Variants in CPSF6 observed in about 807,000 individuals in gnomAD.
CPSF6 encodes the protein cleavage and polyadenylation specificity factor subunit 6.
In CPSF6, 10 loss-of-function variants were observed where a neutral mutation model predicts 56.7. The ratio of observed to expected loss-of-function variants is 0.18; its 90% CI spans 0.11 to 0.30. The LOEUF is 0.30. Ranked by LOEUF, CPSF6 falls within the 10% of genes least tolerant of loss-of-function variation. The probability of loss-of-function intolerance (pLI) is 1.00; values close to 1 mark genes in which losing one functional copy is unlikely to be tolerated. For missense variants in CPSF6, 419 were observed against 722.9 expected (o/e 0.58, Z 4.82); for synonymous variants, 248 against 244.8 (o/e 1.01, Z -0.12).
rs572149250 is a variant in CPSF6, at chr12:69,240,149, C to G, written c.60+443C>G. 1.9e-3 allele frequency among the ~76,000 whole-genome samples: 291 copies of G among 152,090 alleles called. 1 individual carries two copies. Among genetic ancestry groups the G allele is most frequent in the Non-Finnish European group, 2.8e-3 (187 of 67,948 alleles). On this transcript the variant is annotated intron_variant, in intron 1 of 9. Coordinates refer to ENST00000435070, the MANE Select transcript of CPSF6 (RefSeq NM_007007.3). ...GGGCGCGTGCCCGCCGCCGCCGCCCCTTCCCCGCCGCTGCCGCTCGGGCTC... is the reference window on the plus strand; with the variant it reads ...GGGCGCGTGCCCGCCGCCGCCGCCCGTTCCCCGCCGCTGCCGCTCGGGCTC...
chr12:69,256,020 A>G (rs980827858), intron 3 of CPSF6, among the ~76,000 whole-genome samples: 5 of 152,244 alleles, frequency 3.3e-5, no homozygotes, highest in African/African-American at 1.2e-4. Flanking sequence ...TTAATGTTGT[A>G]TATTTATAAT....
intron 9 of CPSF6, among the ~76,000 whole-genome samples, chr12:69,263,171 AAAG>A (rs1267907197): frequency 1.3e-5 from 2 of 152,054 alleles, no homozygotes; most frequent in African/African-American, 4.8e-5. Context: ...TTTAATTTGC[AAAG>A]AAGATGTAAA....
At chr12:69,247,133 T>G (rs1364404273) in intron 1 of CPSF6, among the ~76,000 whole-genome samples, 4 of 152,088 alleles carry the variant, frequency 2.6e-5, no homozygotes. Context: ...AAAAAATGTC[T>G]AAAAGTAACT....
chr12:69,268,424 A>T (rs1424828405), intron 9 of CPSF6, among the ~76,000 whole-genome samples: 1 of 151,796 alleles, frequency 6.6e-6, no homozygotes, highest in Non-Finnish European at 1.5e-5. Flanking sequence ...TGCTCTTAAG[A>T]TACAACCTAG....
At chr12:69,259,272 C>A in intron 6 of CPSF6, 156 bp from the exon 7 acceptor site, 1 of 799,396 alleles carries the variant, frequency 1.3e-6, no homozygotes, top group Non-Finnish European at 1.5e-6. Flanking sequence ...TAGATTTGTT[C>A]TCTTTGTTGG....
In CPSF6 at chr12:69,272,680, T is replaced by C. The variant is rs1437601123; in HGVS notation, c.*3172T>C. The C allele has an allele frequency of 6.6e-6, 1 of 151,888 alleles. No homozygotes were observed. Among genetic ancestry groups the C allele is most frequent in the Non-Finnish European group, 1.5e-5 (1 of 67,776 alleles). 9.4% of individuals were successfully genotyped at this position (151,888 alleles called of 1,614,324 possible). A position where few individuals can be genotyped will look rare whatever the true frequency, so the allele number is the denominator to read the frequency against. Reference sequence around the variant, plus strand: ...GACTGAGAATACAGTATTGAGATTCTCTGTTTTACAGATAACAACTGGTTT... The same window carrying C: ...GACTGAGAATACAGTATTGAGATTCCCTGTTTTACAGATAACAACTGGTTT... On this transcript the variant is annotated 3_prime_UTR_variant, in exon 10 of 10. Transcript: ENST00000435070.
At chr12:69,253,856 A>G (rs1872372372) in intron 3 of CPSF6, among the ~76,000 whole-genome samples, 1 of 152,066 alleles carries the variant, frequency 6.6e-6, no homozygotes, top group African/African-American at 2.4e-5. Flanking sequence ...ACTTTTGCCT[A>G]TTGTAAATAA....
Position 69,257,791 on chromosome 12 carries a change from C to T in CPSF6, c.580C>T (p.Arg194Cys), listed in dbSNP as rs1355848346. ...GKAGPPGGSS[R>C]AAFPQGGRGR... is the part of the protein sequence containing the mutation. ...AGCTGGTCCTCCAGGAGGCAGTTCC[C>T]GTGCAGCATTTCCACAAGGTGGTAG... The change falls in exon 5 of 10, where the codon CGT becomes TGT. Residue 194 changes from arginine to cysteine, a missense_variant. Coordinates refer to ENST00000435070, the MANE Select transcript of CPSF6 (RefSeq NM_007007.3). 5 of 1,613,416 alleles carry T rather than the reference C, an allele frequency of 3.1e-6. No individual in the cohort carries two copies. Among genetic ancestry groups the T allele is most frequent in the South Asian group, 1.1e-5 (1 of 90,960 alleles).
rs752603747 is a variant in CPSF6, at chr12:69,262,436, C to T, written c.1533C>T (p.Ser511=). 1.2e-6 allele frequency: 2 copies of T among 1,613,282 alleles called. No individual in the cohort carries two copies. Among genetic ancestry groups the T allele is most frequent in the South Asian group, 1.1e-5 (1 of 90,978 alleles). The change falls in exon 9 of 10, where the codon TCC becomes TCT. Residue 511 remains serine, a synonymous_variant. Coordinates refer to ENST00000435070, the MANE Select transcript of CPSF6 (RefSeq NM_007007.3). The part of the protein sequence containing the change: ...RSREKSRRHK[S]RSRDRHDDYY... The stretch of plus-strand genomic sequence containing the variant: ...GAGAAAAGAGTCGACGTCATAAATC[C>T]CGTAGTAGAGACCGTCATGACGATT...
At chr12:69,260,526 T>C (rs74102855) in intron 8 of CPSF6, among the ~76,000 whole-genome samples, 2,743 of 152,292 alleles carry the variant, frequency 0.018, 83 homozygotes, top group African/African-American at 0.061. Flanking sequence ...GTACACCAAA[T>C]GTTTGACCAC....
chr12:69,269,040 TTAAA>T (rs1193349638), intron 9 of CPSF6, among the ~76,000 whole-genome samples: 1 of 151,948 alleles, frequency 6.6e-6, no homozygotes, highest in Non-Finnish European at 1.5e-5. Flanking sequence ...CTGTATGCTG[TTAAA>T]TAAATTAATT....
At position 69,271,206 on chromosome 12, in the gene CPSF6, T is replaced by A. The variant is rs185012954; in HGVS notation, c.*1698T>A. The A allele has an allele frequency of 6.6e-6, 1 of 152,350 alleles. No individual in the cohort carries two copies. The highest frequency in any genetic ancestry group is 6.6e-5 in the Admixed American group (1 of 15,256). The allele number at this position is 152,350 out of a possible 1,614,324, so 9.4% of individuals were successfully genotyped here. A position where few individuals can be genotyped will look rare whatever the true frequency, so the allele number is the denominator to read the frequency against. On this transcript the variant is annotated 3_prime_UTR_variant, in exon 10 of 10. Transcript: ENST00000435070. Reference sequence around the variant, plus strand: ...TATCAGAACTGTTCACTTTCAGAAATGATTTTTTAAAGCATTTTGTTGAAA... The same window carrying A: ...TATCAGAACTGTTCACTTTCAGAAAAGATTTTTTAAAGCATTTTGTTGAAA...
At chr12:69,267,897 C>T (rs149577806) in intron 9 of CPSF6, among the ~76,000 whole-genome samples, 2 of 151,820 alleles carry the variant, frequency 1.3e-5, no homozygotes, top group African/African-American at 4.8e-5. Flanking sequence ...GTATAATTCT[C>T]CACTGGAGTG....
At chr12:69,250,170 C>CT (rs912507718) in intron 1 of CPSF6, among the ~76,000 whole-genome samples, 28 of 151,774 alleles carry the variant, frequency 1.8e-4, no homozygotes, top group South Asian at 1.5e-3. Context: ...GCTCACTATG[C>CT]TTTTTTTTAA....
At chr12:69,249,518 T>A (rs1435012323) in intron 1 of CPSF6, among the ~76,000 whole-genome samples, 1 of 152,166 alleles carries the variant, frequency 6.6e-6, no homozygotes, top group Non-Finnish European at 1.5e-5. Context: ...GTAAATTGTA[T>A]TAATGGGAGA....
At chr12:69,246,013 G>A (rs1429416165) in intron 1 of CPSF6, among the ~76,000 whole-genome samples, 7 of 152,148 alleles carry the variant, frequency 4.6e-5, no homozygotes, top group Non-Finnish European at 1.5e-5. Context: ...CTTGAACCTG[G>A]GGGGCAGAGG....
In CPSF6 at chr12:69,273,820, A is replaced by G. The variant is rs1873371297; in HGVS notation, c.*4312A>G. On this transcript the variant is annotated 3_prime_UTR_variant, in exon 10 of 10. Coordinates refer to ENST00000435070, the MANE Select transcript of CPSF6 (RefSeq NM_007007.3). ...CATTGATAACTTTAGCCTTAAAAAA[A>G]AGGTCTATTATTCCTTCCTCTGCAT... 6.6e-6 allele frequency: 1 copy of G among 151,958 alleles called. No individual in the cohort carries two copies. Among genetic ancestry groups the G allele is most frequent in the African/African-American group, 2.4e-5 (1 of 41,432 alleles). The allele number at this position is 151,958 out of a possible 1,614,324, so 9.4% of individuals were successfully genotyped here. A position where few individuals can be genotyped will look rare whatever the true frequency, so the allele number is the denominator to read the frequency against.
At chr12:69,260,652 T>C (rs559925710) in intron 8 of CPSF6, among the ~76,000 whole-genome samples, 2 of 152,254 alleles carry the variant, frequency 1.3e-5, no homozygotes, top group Non-Finnish European at 2.9e-5. Flanking sequence ...CAAGTTAGTC[T>C]GTCGTATTGT....
intron 9 of CPSF6, among the ~76,000 whole-genome samples, chr12:69,267,201 TA>T (rs1170589485): frequency 6.6e-6 from 1 of 152,040 alleles, no homozygotes; most frequent in Non-Finnish European, 1.5e-5. Context: ...ATTTAAATCT[TA>T]AAAGATGAAT....
Sources: gnomAD v4.1 joint callset for allele counts (sites outside exome capture counted in the v4.1 genomes callset) on GRCh38, gnomAD v4.1.1 for gene constraint, MANE v1.5 for transcripts, NCBI Gene and HGNC (gene_info 2026-07-23, HGNC 2026-07-21) for gene names.